COLGALT2: variants seen among roughly 807,000 people sequenced by gnomAD.
COLGALT2 encodes collagen beta(1-O)galactosyltransferase 2, also known as procollagen galactosyltransferase 2.
A neutral mutation model predicts 73.4 loss-of-function variants in COLGALT2; 49 were observed. That is an observed-to-expected ratio of 0.67 (90% CI 0.53 to 0.85). The LOEUF (loss-of-function observed/expected upper bound fraction) is 0.85, where lower values mean the gene tolerates loss of function less well. Among genes scored for constraint, COLGALT2 ranks in the 40% least tolerant of loss-of-function variants. The pLI is 0.00. For missense variants in COLGALT2, 722 were observed against 790.2 expected (o/e 0.91, Z 1.03); for synonymous variants, 295 against 307.6 (o/e 0.96, Z 0.43).
At chr1:183,963,389 G>A (rs1233719440) in intron 6 of COLGALT2, among the ~76,000 whole-genome samples, 1 of 152,060 alleles carries the variant, frequency 6.6e-6, no homozygotes, top group African/African-American at 2.4e-5. Context: ...ACACTTTAAT[G>A]TACAAAAAGT....
chr1:184,015,587 G>A (rs1480763799), intron 1 of COLGALT2, among the ~76,000 whole-genome samples: 2 of 152,236 alleles, frequency 1.3e-5, no homozygotes. Context: ...GTGAAATGTA[G>A]ACTGTTGTGC....
chr1:183,961,918 C>G (rs974347972), intron 6 of COLGALT2, among the ~76,000 whole-genome samples: 11 of 152,244 alleles, frequency 7.2e-5, no homozygotes, highest in Non-Finnish European at 1.6e-4. Context: ...GAAATACTGT[C>G]ACAGTGAACC....
At chr1:184,012,035 G>A (rs1398303914) in intron 1 of COLGALT2, among the ~76,000 whole-genome samples, 1 of 152,110 alleles carries the variant, frequency 6.6e-6, no homozygotes, top group African/African-American at 2.4e-5. Flanking sequence ...TGCCTGTTGA[G>A]GATGACATTT....
chr1:183,979,628 C>A (rs1671295519), intron 1 of COLGALT2, among the ~76,000 whole-genome samples: 1 of 151,990 alleles, frequency 6.6e-6, no homozygotes. Flanking sequence ...TTGCTGTGTT[C>A]CAACAAAACT....
At chr1:183,991,754 A>G (rs1035594097) in intron 1 of COLGALT2, among the ~76,000 whole-genome samples, 4 of 152,180 alleles carry the variant, frequency 2.6e-5, no homozygotes, top group African/African-American at 9.7e-5. Context: ...CATAAACTAT[A>G]CTCACACCCA....
intron 1 of COLGALT2, among the ~76,000 whole-genome samples, chr1:183,992,419 G>A (rs370417996): frequency 6.6e-5 from 10 of 152,280 alleles, no homozygotes; most frequent in Admixed American, 2.6e-4. Context: ...TAGGCTTCAC[G>A]TTATCAGTAA....
intron 7 of COLGALT2, among the ~76,000 whole-genome samples, chr1:183,952,293 T>C (rs1381087472): frequency 6.6e-6 from 1 of 152,202 alleles, no homozygotes. Context: ...CAGAAACCTA[T>C]AGAAACAAGT....
rs1649741635 is a variant in COLGALT2, at chr1:184,037,713, T to A, written c.-356A>T. 1.0e-6 allele frequency: 1 copy of A among 968,244 alleles called. No homozygotes were observed. The highest frequency in any genetic ancestry group is 1.8e-5 in the African/African-American group (1 of 56,948). 60.0% of individuals were successfully genotyped at this position (968,244 alleles called of 1,614,324 possible). On this transcript the variant is annotated 5_prime_UTR_variant, in exon 1 of 12. Coordinates refer to ENST00000361927, the MANE Select transcript of COLGALT2 (RefSeq NM_015101.4). ...TACAGCTGAGGTCTGTGGCCTTCCC[T>A]AGAGCCGCGAGTTGTGGCCCTGTCT...
At chr1:184,011,168 T>TCTTTCTCCTTAGTACATTTCCC (rs1470845935) in intron 1 of COLGALT2, among the ~76,000 whole-genome samples, 1 of 152,186 alleles carries the variant, frequency 6.6e-6, no homozygotes, top group Admixed American at 6.5e-5. Context: ...CCACATTTCC[T>TCTTTCTCCTTAGTACATTTCCC]CTTTCTCCTT....
intron 1 of COLGALT2, among the ~76,000 whole-genome samples, chr1:184,030,565 C>G (rs553619151): frequency 1.3e-5 from 2 of 152,238 alleles, no homozygotes; most frequent in Admixed American, 6.5e-5. Context: ...CCCAAGTGCA[C>G]GTTTAAGTGT....
chr1:184,026,275 G>A (rs534181523), intron 1 of COLGALT2, among the ~76,000 whole-genome samples: 1 of 152,214 alleles, frequency 6.6e-6, no homozygotes, highest in African/African-American at 2.4e-5. Context: ...TTCTTGGTGG[G>A]ATGTGCTAAG....
chr1:183,951,867 A>G (rs1029567681), intron 7 of COLGALT2, among the ~76,000 whole-genome samples: 27 of 152,336 alleles, frequency 1.8e-4, no homozygotes, highest in Non-Finnish European at 3.1e-4. Flanking sequence ...ATGGAACCAC[A>G]AAAGACCCTG....
At chr1:184,001,447 T>C (rs1313228152) in intron 1 of COLGALT2, among the ~76,000 whole-genome samples, 2 of 152,160 alleles carry the variant, frequency 1.3e-5, no homozygotes, top group African/African-American at 4.8e-5. Context: ...AAAAATATAC[T>C]TCTGGAATTC....
chr1:183,955,284 C>A (rs781412923), intron 6 of COLGALT2, among the ~76,000 whole-genome samples: 9 of 152,158 alleles, frequency 5.9e-5, no homozygotes, highest in Non-Finnish European at 1.3e-4. Flanking sequence ...AAGCACTCAC[C>A]ACTTTAACAC....
chr1:183,985,013 T>C (rs997778922), intron 1 of COLGALT2, among the ~76,000 whole-genome samples: 2 of 150,840 alleles, frequency 1.3e-5, no homozygotes, highest in African/African-American at 4.9e-5. Context: ...GAAAAAAAAA[T>C]TGAGATTTAT....
At chr1:184,017,093 C>G (rs1351530971) in intron 1 of COLGALT2, among the ~76,000 whole-genome samples, 1 of 152,194 alleles carries the variant, frequency 6.6e-6, no homozygotes, top group Non-Finnish European at 1.5e-5. Context: ...AGAACACAGT[C>G]TAACCTAAGG....
At chr1:183,995,254 T>C (rs1328565977) in intron 1 of COLGALT2, among the ~76,000 whole-genome samples, 2 of 152,196 alleles carry the variant, frequency 1.3e-5, no homozygotes, top group South Asian at 2.1e-4. Flanking sequence ...TTGGCCCTGA[T>C]TGAGAGAAAA....
intron 1 of COLGALT2, among the ~76,000 whole-genome samples, chr1:184,010,395 A>G (rs1437043709): frequency 6.6e-6 from 1 of 152,228 alleles, no homozygotes; most frequent in Non-Finnish European, 1.5e-5. Context: ...GTATTTACCA[A>G]CTGTGTCTCC....
intron 1 of COLGALT2, among the ~76,000 whole-genome samples, chr1:184,032,396 A>C (rs1213477009): frequency 6.6e-6 from 1 of 152,202 alleles, no homozygotes; most frequent in East Asian, 1.9e-4. Context: ...ACCTTATATC[A>C]TTTACTTGTA....
Sources: gnomAD v4.1 joint callset for allele counts (sites outside exome capture counted in the v4.1 genomes callset) on GRCh38, gnomAD v4.1.1 for gene constraint, MANE v1.5 for transcripts, NCBI Gene and HGNC (gene_info 2026-07-23, HGNC 2026-07-21) for gene names.